Variants in ACOX3 observed in about 807,000 individuals in gnomAD.
The protein encoded by ACOX3 is peroxisomal acyl-coenzyme A oxidase 3.
Under a neutral mutation model 81.5 loss-of-function variants are expected in ACOX3, and 73 were observed. The observed-to-expected ratio is 0.90, with a 90% CI of 0.74 to 1.09. The LOEUF (loss-of-function observed/expected upper bound fraction) is 1.09, where lower values mean the gene tolerates loss of function less well. Among genes scored for constraint, ACOX3 ranks in the 50% least tolerant of loss-of-function variants. The pLI is 0.00. For missense variants in ACOX3, 947 were observed against 928.0 expected, an observed-to-expected ratio of 1.02 and a Z score of -0.27; for synonymous variants, 387 against 375.1, an observed-to-expected ratio of 1.03 and a Z score of -0.37.
chr4:8,363,979 G>A (rs1715286141), downstream of ACOX3, among the ~76,000 whole-genome samples: 1 of 152,148 alleles, frequency 6.6e-6, no homozygotes, highest in African/African-American at 2.4e-5. Flanking sequence ...TGGGGCTGCT[G>A]TATGGAGTAG....
At chr4:8,435,440 G>A (rs577173156) in intron 1 of ACOX3, among the ~76,000 whole-genome samples, 1 of 152,184 alleles carries the variant, frequency 6.6e-6, no homozygotes, top group South Asian at 2.1e-4. Context: ...AGCTTGCAGT[G>A]AGTGGAGATT....
intron 1 of ACOX3, among the ~76,000 whole-genome samples, chr4:8,427,287 C>T (rs1198155981): frequency 1.3e-5 from 2 of 152,220 alleles, no homozygotes. Flanking sequence ...TCGGGCAACC[C>T]TCTTTGGGTC....
intron 9 of ACOX3, among the ~76,000 whole-genome samples, chr4:8,396,655 G>C (rs1719725822): frequency 6.8e-6 from 1 of 147,502 alleles, no homozygotes; most frequent in Non-Finnish European, 1.5e-5. Flanking sequence ...TCCAGCCTTG[G>C]TGACAGAGCA....
At chr4:8,356,586 G>C in the ACOX3 span, 1 of 456,692 alleles carries the variant, frequency 2.2e-6, no homozygotes, top group Non-Finnish European at 4.4e-6. Context: ...CACAGAGGAA[G>C]AAAGTGTGCA....
At chr4:8,363,103 AC>A (rs1390028079), downstream of ACOX3, among the ~76,000 whole-genome samples, 4 of 152,310 alleles carry the variant, frequency 2.6e-5, no homozygotes, top group Non-Finnish European at 5.9e-5. Context: ...CTGTGAACCA[AC>A]CAGTGATCTC....
chr4:8,440,651 C>A lies in ACOX3; in HGVS notation c.-18G>T. The A allele has an allele frequency of 1.3e-6, 1 of 746,870 alleles. No individual in the cohort carries two copies. The highest frequency in any genetic ancestry group is 2.0e-6 in the Non-Finnish European group (1 of 504,218). 46.3% of individuals were successfully genotyped at this position (746,870 alleles called of 1,614,324 possible). On this transcript the variant is annotated 5_prime_UTR_variant, in exon 1 of 18. Transcript: ENST00000356406. Reference sequence around the variant, plus strand: ...AAACACAGGTCAAATTCCTCACCCACACACTCCACAGTTCAACCCCTGCCA... The same window carrying A: ...AAACACAGGTCAAATTCCTCACCCAAACACTCCACAGTTCAACCCCTGCCA...
intron 17 of ACOX3, among the ~76,000 whole-genome samples, chr4:8,367,584 C>CT (rs923195832): frequency 4.6e-5 from 7 of 150,990 alleles, no homozygotes; most frequent in African/African-American, 1.5e-4. Flanking sequence ...TGAATATTTT[C>CT]TTTTTTTTTC....
In ACOX3 at chr4:8,415,009, C is replaced by T. The variant is rs1553848582; in HGVS notation, c.379-81G>A. On this transcript the variant is annotated intron_variant, in intron 3 of 17. Transcript: ENST00000356406. ...TCCGGAACATCACAACAGACAACGG[C>T]ACTCAACACCATGCCCACGCTGGTT... 52 of 1,262,028 alleles carry T rather than the reference C, an allele frequency of 4.1e-5. No homozygotes were observed. The South Asian group carries it at 5.4e-4, about 13-fold the overall frequency. The allele number at this position is 1,262,028 out of a possible 1,614,324, so 78.2% of individuals were successfully genotyped here. A position where few individuals can be genotyped will look rare whatever the true frequency, so the allele number is the denominator to read the frequency against.
At chr4:8,375,835 A>G (rs544116619) in intron 14 of ACOX3, among the ~76,000 whole-genome samples, 1 of 152,342 alleles carries the variant, frequency 6.6e-6, no homozygotes, top group Admixed American at 6.5e-5. Flanking sequence ...TGTTGCTGCA[A>G]AAGACATGAC....
intron 1 of ACOX3, among the ~76,000 whole-genome samples, chr4:8,435,972 T>C (rs1004413373): frequency 6.6e-6 from 1 of 152,032 alleles, no homozygotes. Context: ...GAAGTCAAGA[T>C]AGTCAAGTGG....
Position 8,394,592 on chromosome 4 carries a change from G to C in ACOX3, c.1179+28C>G. ...TCCAACCGTGTGAGATTTAAACGAT[G>C]CTGCTGAGGAAGCAGACACCACCTC... On this transcript the variant is annotated intron_variant, in intron 10 of 17. Coordinates refer to ENST00000356406, the MANE Select transcript of ACOX3 (RefSeq NM_003501.3). The surrounding 1 kb of genome is among the most constrained non-coding windows in gnomAD (Gnocchi z 5.9). 1 of 1,610,090 alleles carries C rather than the reference G, an allele frequency of 6.2e-7. No homozygotes were observed. The highest frequency in any genetic ancestry group is 8.5e-7 in the Non-Finnish European group (1 of 1,177,932).
In ACOX3 at chr4:8,386,017, C is replaced by G. The variant is rs1458993804; in HGVS notation, c.1537+3156G>C. 6.6e-6 allele frequency among the ~76,000 whole-genome samples: 1 copy of G among 152,174 alleles called. No individual in the cohort carries two copies. Among genetic ancestry groups the G allele is most frequent in the African/African-American group, 2.4e-5 (1 of 41,430 alleles). On this transcript the variant is annotated intron_variant, in intron 13 of 17. Transcript: ENST00000356406. The surrounding 1 kb of genome is among the most constrained non-coding windows in gnomAD (Gnocchi z 5.2). ...CATCTTGTAAATATTAGAGCAGTTG[C>G]AGAAAAGCAGATGACTTTGGTGTCT... is the stretch of plus-strand genomic sequence containing the variant.
intron 11 of ACOX3, among the ~76,000 whole-genome samples, chr4:8,390,294 T>C (rs1213620228): frequency 6.6e-6 from 1 of 151,570 alleles, no homozygotes; most frequent in Non-Finnish European, 1.5e-5. Context: ...AAGTAAGCCA[T>C]GGTCATGCCA....
At chr4:8,369,709 A>G (rs112863762) in intron 17 of ACOX3, among the ~76,000 whole-genome samples, 2,514 of 152,352 alleles carry the variant, frequency 0.017, 77 homozygotes, top group African/African-American at 0.056. Flanking sequence ...GTAAGGGCTC[A>G]TGTACAGACT....
At position 8,407,787 on chromosome 4, in the gene ACOX3, G is replaced by C. The variant is rs1721163789; in HGVS notation, c.688-1744C>G. Among the ~76,000 whole-genome samples, 1 of 152,232 alleles carries C rather than the reference G, an allele frequency of 6.6e-6. No homozygotes were observed. Among genetic ancestry groups the C allele is most frequent in the South Asian group, 2.1e-4 (1 of 4,834 alleles). On this transcript the variant is annotated intron_variant, in intron 6 of 17. Transcript: ENST00000356406. This position sits in a 1 kb window ranked among gnomAD's most constrained non-coding sequence, Gnocchi z 4.6. ...AGCCAGCTAATGGCTGCGCACTGTG[G>C]GAACTCGACGGAAGGACGTGGAGCT...
At position 8,420,799 on chromosome 4, in the gene ACOX3, G is replaced by A. The variant is rs183476338; in HGVS notation, c.-14-4264C>T. The stretch of plus-strand genomic sequence containing the variant: ...ACCCACCACTGACTTCCACCCCTCC[G>A]GATCCAGCAGGGTGTCCACTGAGCT... On this transcript the variant is annotated intron_variant, in intron 1 of 17. Coordinates refer to ENST00000356406, the MANE Select transcript of ACOX3 (RefSeq NM_003501.3). Among the ~76,000 whole-genome samples the A allele has an allele frequency of 2.9e-3, 444 of 152,212 alleles. 3 individuals are homozygous for A. Among genetic ancestry groups the A allele is most frequent in the African/African-American group, 0.01 (424 of 41,508 alleles).
rs1223032838 is a variant in ACOX3 at position 8,370,009 on chromosome 4, C to T, written c.1983+899G>A. Among the ~76,000 whole-genome samples, 1 of 152,206 alleles carries T rather than the reference C, an allele frequency of 6.6e-6. No homozygotes were observed. Among genetic ancestry groups the T allele is most frequent in the African/African-American group, 2.4e-5 (1 of 41,462 alleles). On this transcript the variant is annotated intron_variant, in intron 17 of 17. Coordinates refer to ENST00000356406, the MANE Select transcript of ACOX3 (RefSeq NM_003501.3). The surrounding 1 kb of genome is among the most constrained non-coding windows in gnomAD (Gnocchi z 6.3). ...TGTGAGCATCGCTCCTCGAGGGCAT[C>T]ATCAGGTGGGAGGGAGACACAAGGT...
At chr4:8,433,167 C>A (rs1404112837) in intron 1 of ACOX3, among the ~76,000 whole-genome samples, 1 of 152,244 alleles carries the variant, frequency 6.6e-6, no homozygotes, top group African/African-American at 2.4e-5. Context: ...CCTGCTTCCC[C>A]AAAGGGAAAC....
Position 8,394,637 on chromosome 4 carries a change from C to T in ACOX3, c.1162G>A (p.Asp388Asn). 1.9e-6 allele frequency: 3 copies of T among 1,613,722 alleles called. No homozygotes were observed. The highest frequency in any genetic ancestry group is 2.5e-6 in the Non-Finnish European group (3 of 1,179,976). ...VELQRGLASGDRSARQAELGR... is the reference protein window; with the variant it reads ...VELQRGLASGNRSARQAELGR... ...CACCTCACCTGTCTGGCGCTGCGGT[C>T]TCCCGATGCAAGTCCTCGCTGGAGC... Residue 388 changes from aspartate to asparagine, a missense_variant, in exon 10 of 18, where the codon GAC (aspartate) becomes AAC (asparagine). Asp to Asn is a conservative substitution (Grantham distance 23). Transcript: ENST00000356406. This position sits in a 1 kb window ranked among gnomAD's most constrained non-coding sequence, Gnocchi z 5.9.
Sources: allele counts gnomAD v4.1 joint callset (sites outside exome capture counted in the v4.1 genomes callset), GRCh38; gene constraint gnomAD v4.1.1; non-coding constraint Gnocchi (gnomAD v3.1); transcripts MANE v1.5; gene names NCBI Gene and HGNC (gene_info 2026-07-23, HGNC 2026-07-21).